RHBDD1: variants seen among roughly 807,000 people sequenced by gnomAD.
The protein encoded by RHBDD1 is rhomboid domain containing 1.
A neutral mutation model predicts 36.3 loss-of-function variants in RHBDD1; 38 were observed. The observed-to-expected ratio is 1.05, with a 90% confidence interval of 0.81 to 1.37. The LOEUF (loss-of-function observed/expected upper bound fraction) is 1.37, where lower values mean the gene tolerates loss of function less well. Ranked by LOEUF, RHBDD1 falls within the 40% of genes most tolerant of loss-of-function variation. The pLI, the probability that RHBDD1 is intolerant of heterozygous loss-of-function variation, is 0.00. For missense variants in RHBDD1, 393 were observed against 377.6 expected, an observed-to-expected ratio of 1.04 and a Z score of -0.34; for synonymous variants, 151 against 136.5, an observed-to-expected ratio of 1.11 and a Z score of -0.74.
At position 226,867,195 on chromosome 2, in the gene RHBDD1, T is replaced by G; in HGVS notation, c.443T>G (p.Phe148Cys). The change falls in exon 5 of 9, where the codon TTT becomes TGT. Residue 148 changes from phenylalanine to cysteine, a missense_variant. Coordinates refer to ENST00000392062, the MANE Select transcript of RHBDD1 (RefSeq NM_001167608.3). ...CTTCATTCTCTTTTAGGAGTTTTGTTTGCTTTGAAAGTTCTTAACAACCAT... is the reference window on the plus strand; with the variant it reads ...CTTCATTCTCTTTTAGGAGTTTTGTGTGCTTTGAAAGTTCTTAACAACCAT... ...SCAVGFSGVLFALKVLNNHYC... is the reference protein window; with the variant it reads ...SCAVGFSGVLCALKVLNNHYC... 6.2e-7 allele frequency: 1 copy of G among 1,608,754 alleles called. No homozygotes were observed. Among genetic ancestry groups the G allele is most frequent in the Non-Finnish European group, 8.5e-7 (1 of 1,178,534 alleles).
chr2:226,920,743 TG>T, intron 8 of RHBDD1, among the ~76,000 whole-genome samples: 1 of 152,274 alleles, frequency 6.6e-6, no homozygotes, highest in Middle Eastern at 3.4e-3. Flanking sequence ...ATGGTCATAA[TG>T]AATGATCTTT....
chr2:226,928,800 A>T (rs1269663441), intron 8 of RHBDD1, among the ~76,000 whole-genome samples: 1 of 152,104 alleles, frequency 6.6e-6, no homozygotes, highest in African/African-American at 2.4e-5. Context: ...AATAAGCTGA[A>T]TTAGAAATGA....
chr2:226,981,368 AAAAT>A (rs547847883), intron 8 of RHBDD1, among the ~76,000 whole-genome samples: 139 of 152,242 alleles, frequency 9.1e-4, no homozygotes, highest in Non-Finnish European at 1.5e-3. Flanking sequence ...AGTATAATAA[AAAAT>A]AAATAAATAA....
At chr2:226,939,843 A>G (rs113857238) in intron 8 of RHBDD1, among the ~76,000 whole-genome samples, 31 of 152,352 alleles carry the variant, frequency 2.0e-4, no homozygotes, top group African/African-American at 7.2e-4. Context: ...GGCTGGTGGC[A>G]TCACACTACC....
intron 3 of RHBDD1, among the ~76,000 whole-genome samples, chr2:226,842,284 T>C (rs915544604): frequency 6.6e-6 from 1 of 152,192 alleles, no homozygotes; most frequent in Non-Finnish European, 1.5e-5. Context: ...GCAGAAGCTC[T>C]TTAGTTTAAT....
chr2:226,813,295 A>G, the RHBDD1 span, among the ~76,000 whole-genome samples: 517 of 152,330 alleles, frequency 3.4e-3, 4 homozygotes, highest in African/African-American at 0.012. Flanking sequence ...CAAGGTAAAC[A>G]CCACCTCATA....
intron 5 of RHBDD1, among the ~76,000 whole-genome samples, chr2:226,889,730 A>G (rs1946532455): frequency 6.6e-6 from 1 of 152,180 alleles, no homozygotes; most frequent in African/African-American, 2.4e-5. Context: ...ACTTTTCCAG[A>G]CATATAGATG....
intron 5 of RHBDD1, among the ~76,000 whole-genome samples, chr2:226,890,158 G>A (rs538590553): frequency 6.6e-6 from 1 of 152,258 alleles, no homozygotes; most frequent in Non-Finnish European, 1.5e-5. Flanking sequence ...AGTGTTTGCT[G>A]ACAATTTACT....
chr2:226,864,524 G>A, intron 3 of RHBDD1, 80 bp from the exon 4 acceptor site: 1 of 598,010 alleles, frequency 1.7e-6, no homozygotes, highest in Non-Finnish European at 3.0e-6. Context: ...TGCCTCATGG[G>A]AGTTTGTCTT....
intron 3 of RHBDD1, among the ~76,000 whole-genome samples, chr2:226,862,353 C>CTTTT (rs565626444): frequency 7.7e-6 from 1 of 130,580 alleles, no homozygotes. Flanking sequence ...AGAATCCTGC[C>CTTTT]TTTTTTTTTT....
At chr2:226,813,736 C>T in the RHBDD1 span, among the ~76,000 whole-genome samples, 2,094 of 152,248 alleles carry the variant, frequency 0.014, 20 homozygotes, top group Non-Finnish European at 0.022. Flanking sequence ...GTTATCAGTG[C>T]TCAATAAATA....
chr2:226,831,712 T>A (rs1940744697), upstream of RHBDD1, among the ~76,000 whole-genome samples: 1 of 152,174 alleles, frequency 6.6e-6, no homozygotes, highest in Admixed American at 6.5e-5. Flanking sequence ...ATACTTTTTT[T>A]TTTTTTTACA....
At chr2:226,880,046 A>T (rs989881753) in intron 5 of RHBDD1, among the ~76,000 whole-genome samples, 2 of 152,190 alleles carry the variant, frequency 1.3e-5, no homozygotes, top group African/African-American at 4.8e-5. Flanking sequence ...GTGTATAAAC[A>T]CACATTTGTT....
At chr2:226,869,637 A>G (rs1004410455) in intron 5 of RHBDD1, among the ~76,000 whole-genome samples, 1 of 152,168 alleles carries the variant, frequency 6.6e-6, no homozygotes, top group Non-Finnish European at 1.5e-5. Flanking sequence ...TCCCCCAGTT[A>G]CAGAGTTTTA....
At chr2:226,948,506 A>G (rs1951159554) in intron 8 of RHBDD1, among the ~76,000 whole-genome samples, 1 of 146,032 alleles carries the variant, frequency 6.8e-6, no homozygotes, top group Admixed American at 7.0e-5. Context: ...AGCATGGCAC[A>G]TGTATACATA....
At chr2:226,993,481 A>G (rs1240955849) in intron 8 of RHBDD1, among the ~76,000 whole-genome samples, 1 of 152,268 alleles carries the variant, frequency 6.6e-6, no homozygotes, top group African/African-American at 2.4e-5. Flanking sequence ...CTCATCATAT[A>G]AAACAGTTTT....
upstream of RHBDD1, among the ~76,000 whole-genome samples, chr2:226,834,364 CATTT>C: frequency 6.6e-6 from 1 of 152,348 alleles, no homozygotes; most frequent in Non-Finnish European, 1.5e-5. Flanking sequence ...TCCCCGCATT[CATTT>C]GACTTTTCAT....
At chr2:226,905,103 C>G (rs1014936699) in intron 5 of RHBDD1, among the ~76,000 whole-genome samples, 1 of 151,830 alleles carries the variant, frequency 6.6e-6, no homozygotes. Flanking sequence ...CAGTTTCCCA[C>G]CTTCTGGAAT....
At chr2:226,953,654 G>C (rs1015520825) in intron 8 of RHBDD1, among the ~76,000 whole-genome samples, 1 of 152,132 alleles carries the variant, frequency 6.6e-6, no homozygotes, top group Non-Finnish European at 1.5e-5. Context: ...AGTAAGGCAC[G>C]TGCTGACCAT....
Sources: gnomAD v4.1 joint callset for allele counts (sites outside exome capture counted in the v4.1 genomes callset) on GRCh38, gnomAD v4.1.1 for gene constraint, MANE v1.5 for transcripts, NCBI Gene and HGNC (gene_info 2026-07-23, HGNC 2026-07-21) for gene names.